The following ADRA1B variants were observed in gnomAD, a reference collection of about 807,000 sequenced individuals.
The protein encoded by ADRA1B is adrenoceptor alpha 1B.
Under a neutral mutation model 17.9 loss-of-function variants are expected in ADRA1B, and 17 were observed. The ratio of observed to expected loss-of-function variants is 0.95; its 90% CI spans 0.65 to 1.42. The LOEUF is 1.42. Among genes scored for constraint, ADRA1B ranks in the 40% most tolerant of loss-of-function variants. The pLI, the probability that ADRA1B is intolerant of heterozygous loss-of-function variation, is 0.00. For synonymous variants in ADRA1B, 366 were observed against 327.6 expected (o/e 1.12, Z -1.27); for missense variants, 681 against 722.1 (o/e 0.94, Z 0.65).
chr5:159,921,063 C>T (rs2113162561), intron 1 of ADRA1B, among the ~76,000 whole-genome samples: 1 of 152,266 alleles, frequency 6.6e-6, no homozygotes, highest in Non-Finnish European at 1.5e-5. Context: ...AATAGCTGTG[C>T]CCCCTACAGG....
intron 1 of ADRA1B, among the ~76,000 whole-genome samples, chr5:159,971,157 T>C (rs1755858261): frequency 6.6e-6 from 1 of 152,248 alleles, no homozygotes; most frequent in Non-Finnish European, 1.5e-5. Flanking sequence ...CATATGTTCA[T>C]TAGCCCTTGC....
At chr5:159,873,896 C>G (rs1753775725) in intron 1 of ADRA1B, among the ~76,000 whole-genome samples, 1 of 152,150 alleles carries the variant, frequency 6.6e-6, no homozygotes, top group South Asian at 2.1e-4. Context: ...CAGAATGAAT[C>G]ACCAAAATAG....
chr5:159,873,829 T>C (rs541258290), intron 1 of ADRA1B, among the ~76,000 whole-genome samples: 15 of 152,294 alleles, frequency 9.8e-5, no homozygotes, highest in African/African-American at 3.4e-4. Flanking sequence ...GGAGATACCA[T>C]GAAATGATGA....
intron 1 of ADRA1B, among the ~76,000 whole-genome samples, chr5:159,892,987 C>G (rs548930831): frequency 1.3e-5 from 2 of 152,258 alleles, no homozygotes; most frequent in South Asian, 4.1e-4. Context: ...CACAACCTTG[C>G]CAGCATCTGT....
chr5:159,972,423 C>CGCGGCCGACGTGGCCAACGG lies in ADRA1B; in HGVS notation c.1497_1516dup (p.Gln506ArgfsTer92). On this transcript the variant is annotated frameshift_variant, in exon 2 of 2. Coordinates refer to ENST00000306675, the MANE Select transcript of ADRA1B (RefSeq NM_000679.4). LOFTEE classifies it high-confidence loss of function. ...GCGCCAGCAACGGAGGCTGCGAGGCCGCGGCCGACGTGGCCAACGGGCAGC... is the reference window on the plus strand; with the variant it reads ...GCGCCAGCAACGGAGGCTGCGAGGCCGCGGCCGACGTGGCCAACGGGCGGCCGACGTGGCCAACGGGCAGC... The CGCGGCCGACGTGGCCAACGG allele has an allele frequency of 2.7e-6, 4 of 1,508,340 alleles. No homozygotes were observed. The highest frequency in any genetic ancestry group is 3.5e-6 in the Non-Finnish European group (4 of 1,134,534). The allele number at this position is 1,508,340 out of a possible 1,614,324, so 93.4% of individuals were successfully genotyped here. A position where few individuals can be genotyped will look rare whatever the true frequency, so the allele number is the denominator to read the frequency against.
upstream of ADRA1B, among the ~76,000 whole-genome samples, chr5:159,913,500 GACA>G (rs920110610): frequency 6.6e-6 from 1 of 152,194 alleles, no homozygotes; most frequent in Non-Finnish European, 1.5e-5. Flanking sequence ...ACTGGTAAAT[GACA>G]ACAAGTCTGA....
chr5:159,944,995 G>A (rs1183232214), intron 1 of ADRA1B, among the ~76,000 whole-genome samples: 1 of 152,134 alleles, frequency 6.6e-6, no homozygotes, highest in Non-Finnish European at 1.5e-5. Context: ...AATATGGAGT[G>A]GTGTGCTAGA....
At chr5:159,921,803 A>T (rs1258152164) in intron 1 of ADRA1B, among the ~76,000 whole-genome samples, 2 of 152,192 alleles carry the variant, frequency 1.3e-5, no homozygotes, top group African/African-American at 4.8e-5. Flanking sequence ...CTTTCATTCA[A>T]ATGGGGGCTG....
chr5:159,946,279 TATCCCACCTC>T (rs1428731962), intron 1 of ADRA1B, among the ~76,000 whole-genome samples: 1 of 152,242 alleles, frequency 6.6e-6, no homozygotes, highest in South Asian at 2.1e-4. Flanking sequence ...CTCCAGGATT[TATCCCACCTC>T]ATGCTGAATG....
intron 1 of ADRA1B, among the ~76,000 whole-genome samples, chr5:159,887,196 CA>C (rs2113097525): frequency 6.6e-6 from 1 of 152,284 alleles, no homozygotes; most frequent in South Asian, 2.1e-4. Flanking sequence ...GAGCTTTAAC[CA>C]AACAATCAAG....
At chr5:159,965,671 A>C (rs745336839) in intron 1 of ADRA1B, among the ~76,000 whole-genome samples, 45 of 152,132 alleles carry the variant, frequency 3.0e-4, no homozygotes, top group Non-Finnish European at 5.4e-4. Flanking sequence ...CAGAGGAAGA[A>C]GGAGGAAGGA....
intron 1 of ADRA1B, among the ~76,000 whole-genome samples, chr5:159,934,201 T>C (rs1754886682): frequency 6.6e-6 from 1 of 152,174 alleles, no homozygotes; most frequent in African/African-American, 2.4e-5. Context: ...ACTACTGATC[T>C]AGAGGGAGAA....
intron 1 of ADRA1B, among the ~76,000 whole-genome samples, chr5:159,941,170 A>G (rs772818168): frequency 7.2e-5 from 11 of 152,238 alleles, no homozygotes; most frequent in Non-Finnish European, 1.3e-4. Context: ...TCATATTTAA[A>G]TTAATTAAAA....
At chr5:159,886,383 C>A (rs1443182517) in intron 1 of ADRA1B, among the ~76,000 whole-genome samples, 1 of 152,160 alleles carries the variant, frequency 6.6e-6, no homozygotes, top group East Asian at 1.9e-4. Flanking sequence ...GGAAAATCCC[C>A]CATGACAGGA....
At chr5:159,940,314 A>C (rs1755092188) in intron 1 of ADRA1B, among the ~76,000 whole-genome samples, 1 of 152,044 alleles carries the variant, frequency 6.6e-6, no homozygotes, top group Admixed American at 6.6e-5. Flanking sequence ...TATCTAATCA[A>C]CCTCAATATC....
chr5:159,934,302 C>T (rs1754889290), intron 1 of ADRA1B, among the ~76,000 whole-genome samples: 1 of 152,164 alleles, frequency 6.6e-6, no homozygotes, highest in Admixed American at 6.5e-5. Flanking sequence ...GACCCACTTG[C>T]CACAGGGTTG....
intron 1 of ADRA1B, among the ~76,000 whole-genome samples, chr5:159,955,388 A>G (rs1273148691): frequency 2.0e-5 from 3 of 152,144 alleles, no homozygotes; most frequent in Non-Finnish European, 4.4e-5. Context: ...CACACCAGCG[A>G]AAGGACAGAA....
chr5:159,909,963 G>A (rs904907156), intron 1 of ADRA1B, among the ~76,000 whole-genome samples: 1 of 152,102 alleles, frequency 6.6e-6, no homozygotes, highest in African/African-American at 2.4e-5. Flanking sequence ...TTCTCAATAA[G>A]GTCTAGAACC....
intron 1 of ADRA1B, among the ~76,000 whole-genome samples, chr5:159,872,000 T>C (rs557734611): frequency 1.3e-5 from 2 of 152,178 alleles, no homozygotes; most frequent in Non-Finnish European, 2.9e-5. Context: ...TGCAGGACAA[T>C]AAGCTTTGAT....
Sources: allele counts gnomAD v4.1 joint callset (sites outside exome capture counted in the v4.1 genomes callset), GRCh38; gene constraint gnomAD v4.1.1; transcripts MANE v1.5; gene names NCBI Gene and HGNC (gene_info 2026-07-23, HGNC 2026-07-21).